The following RGS8 variants were observed in gnomAD, a reference collection of about 807,000 sequenced individuals.
RGS8 encodes the protein regulator of G-protein signaling 8.
Under a neutral mutation model 21.7 loss-of-function variants are expected in RGS8, and 8 were observed. That is an observed-to-expected ratio of 0.37 (90% confidence interval 0.22 to 0.66). The LOEUF (loss-of-function observed/expected upper bound fraction) is 0.66. Ranked by LOEUF, RGS8 falls within the 30% of genes least tolerant of loss-of-function variation. The pLI, the probability that RGS8 is intolerant of heterozygous loss-of-function variation, is 0.59. For missense variants in RGS8, 157 were observed against 217.9 expected, an observed-to-expected ratio of 0.72 and a Z score of 1.76; for synonymous variants, 80 against 83.6, an observed-to-expected ratio of 0.96 and a Z score of 0.24.
At chr1:182,742,373 G>T in the RGS8 span, among the ~76,000 whole-genome samples, 5 of 151,926 alleles carry the variant, frequency 3.3e-5, no homozygotes, top group East Asian at 7.7e-4. Context: ...GGCACTTTGG[G>T]AGGCCAAGGC....
chr1:182,706,426 A>G, the RGS8 span, among the ~76,000 whole-genome samples: 1 of 152,222 alleles, frequency 6.6e-6, no homozygotes, highest in East Asian at 1.9e-4. Flanking sequence ...GGAAGACCTA[A>G]TGCTCCCAGA....
At chr1:182,681,318 A>G (rs190718639) in intron 1 of RGS8, among the ~76,000 whole-genome samples, 112 of 152,246 alleles carry the variant, frequency 7.4e-4, no homozygotes, top group African/African-American at 2.6e-3. Flanking sequence ...CTGGTTATCA[A>G]TCTCTTCCCC....
chr1:182,688,872 T>C (rs1163154077), upstream of RGS8, among the ~76,000 whole-genome samples: 3 of 152,034 alleles, frequency 2.0e-5, no homozygotes, highest in Non-Finnish European at 4.4e-5. Flanking sequence ...ACAACCCAAA[T>C]GAGCGGGGAA....
chr1:182,741,157 G>A, the RGS8 span, among the ~76,000 whole-genome samples: 5 of 147,408 alleles, frequency 3.4e-5, no homozygotes, highest in South Asian at 2.2e-4. Flanking sequence ...CTCACCTCCC[G>A]GACGGGGCGG....
At chr1:182,681,854 G>A (rs114391564) in intron 1 of RGS8, among the ~76,000 whole-genome samples, 2,580 of 152,308 alleles carry the variant, frequency 0.017, 39 homozygotes, top group Non-Finnish European at 0.023. Context: ...AAGCCACTCA[G>A]CTTTTCTGAG....
upstream of RGS8, among the ~76,000 whole-genome samples, chr1:182,675,858 G>A (rs1664339474): frequency 6.6e-6 from 1 of 152,112 alleles, no homozygotes; most frequent in Non-Finnish European, 1.5e-5. Flanking sequence ...TCAACTGACT[G>A]TGTGCTCCAA....
At chr1:182,727,639 T>A in the RGS8 span, among the ~76,000 whole-genome samples, 4 of 152,282 alleles carry the variant, frequency 2.6e-5, no homozygotes, top group East Asian at 5.8e-4. Context: ...ACCAAATAAT[T>A]CTATAAAGAT....
At chr1:182,650,587 T>C (rs900542600) in intron 5 of RGS8, among the ~76,000 whole-genome samples, 2 of 152,140 alleles carry the variant, frequency 1.3e-5, no homozygotes. Flanking sequence ...AATGGCCGGG[T>C]GCAGTTGTTC....
chr1:182,645,644 G>A (rs903039505), downstream of RGS8: 4 of 152,218 alleles, frequency 2.6e-5, no homozygotes, highest in Admixed American at 1.3e-4. Context: ...TAGTATCCAA[G>A]AGAGAGATCT....
the RGS8 span, among the ~76,000 whole-genome samples, chr1:182,747,034 ACTG>A: frequency 1.5e-5 from 1 of 64,808 alleles, no homozygotes; most frequent in Non-Finnish European, 3.4e-5. Context: ...ACGTGTCAAC[ACTG>A]CTGGTCTTTT....
chr1:182,710,934 A>G, the RGS8 span, among the ~76,000 whole-genome samples: 1 of 152,176 alleles, frequency 6.6e-6, no homozygotes, highest in Non-Finnish European at 1.5e-5. Flanking sequence ...CAGCACCTAC[A>G]CAACAGTTCA....
intron 5 of RGS8, among the ~76,000 whole-genome samples, chr1:182,665,253 A>G (rs1044572060): frequency 1.3e-5 from 2 of 152,224 alleles, no homozygotes; most frequent in Non-Finnish European, 2.9e-5. Flanking sequence ...ACTAGTTTCA[A>G]AGCCCATTAA....
chr1:182,748,299 A>G, the RGS8 span, among the ~76,000 whole-genome samples: 55,693 of 152,086 alleles, frequency 0.37, 10,554 homozygotes, highest in Non-Finnish European at 0.41. Flanking sequence ...GGCAACCACC[A>G]TTCTATTCCC....
upstream of RGS8, among the ~76,000 whole-genome samples, chr1:182,677,787 TA>T (rs1249127471): frequency 2.6e-5 from 4 of 152,234 alleles, no homozygotes; most frequent in Admixed American, 6.5e-5. Context: ...ATTTCAAAGT[TA>T]AATTTTGGAG....
chr1:182,728,458 C>T, the RGS8 span, among the ~76,000 whole-genome samples: 1 of 152,014 alleles, frequency 6.6e-6, no homozygotes, highest in Admixed American at 6.5e-5. Flanking sequence ...AGAAGTTTAG[C>T]ATAATGATAA....
chr1:182,721,020 T>C, the RGS8 span, among the ~76,000 whole-genome samples: 23 of 72,670 alleles, frequency 3.2e-4, 1 homozygote, highest in East Asian at 1.4e-3. Flanking sequence ...TATATACACA[T>C]ATATATGTGT....
the RGS8 span, among the ~76,000 whole-genome samples, chr1:182,716,665 CT>C: frequency 2.0e-5 from 3 of 152,144 alleles, no homozygotes; most frequent in Admixed American, 1.3e-4. Context: ...CATAGTCATA[CT>C]GCTAGTAAGT....
chr1:182,694,943 G>A, the RGS8 span, among the ~76,000 whole-genome samples: 1 of 152,168 alleles, frequency 6.6e-6, no homozygotes, highest in African/African-American at 2.4e-5. Flanking sequence ...TGGCGAACTT[G>A]CACCCACATA....
chr1:182,701,809 T>C, the RGS8 span, among the ~76,000 whole-genome samples: 1 of 152,222 alleles, frequency 6.6e-6, no homozygotes, highest in African/African-American at 2.4e-5. Context: ...TCTCTACTTT[T>C]AAACTATTTG....
Sources: gnomAD v4.1 joint callset for allele counts (sites outside exome capture counted in the v4.1 genomes callset) on GRCh38, gnomAD v4.1.1 for gene constraint, MANE v1.5 for transcripts, NCBI Gene and HGNC (gene_info 2026-07-23, HGNC 2026-07-21) for gene names.